PDGFRB: variants seen among roughly 807,000 people sequenced by gnomAD.
PDGFRB encodes platelet-derived growth factor receptor beta.
In PDGFRB, 42 loss-of-function variants were observed where a neutral mutation model predicts 120.2. The ratio of observed to expected loss-of-function variants is 0.35; its 90% CI spans 0.27 to 0.45. The LOEUF is 0.45. Among genes scored for constraint, PDGFRB ranks in the 20% least tolerant of loss-of-function variants. The pLI, the probability that PDGFRB is intolerant of heterozygous loss-of-function variation, is 1.00. For missense variants in PDGFRB, 1,149 were observed against 1,476.3 expected, an observed-to-expected ratio of 0.78 and a Z score of 3.63; for synonymous variants, 586 against 606.8, an observed-to-expected ratio of 0.97 and a Z score of 0.50.
At chr5:150,128,084 G>A (rs1228371500) in intron 10 of PDGFRB, among the ~76,000 whole-genome samples, 5 of 152,004 alleles carry the variant, frequency 3.3e-5, no homozygotes, top group Non-Finnish European at 7.4e-5. Flanking sequence ...CACACATCTC[G>A]GTCCTGGGAA....
In PDGFRB at chr5:150,122,023, C is replaced by T. The variant is rs772861468; in HGVS notation, c.2201G>A (p.Gly734Glu). The change falls in exon 16 of 23, where the codon GGG (glycine) becomes GAG (glutamate). Residue 734 changes from glycine to glutamate, a missense_variant. Coordinates refer to ENST00000261799, the MANE Select transcript of PDGFRB (RefSeq NM_002609.4). The stretch of plus-strand genomic sequence containing the variant: ...GTCCATGTAGCCACCGTCGCTCTCC[C>T]CGGTCAAGGACACATGGCTGGGGGT... ...LPLPSHVSLT[G>E]ESDGGYMDMS... is the part of the protein sequence containing the mutation. 1 of 1,613,612 alleles carries T rather than the reference C, an allele frequency of 6.2e-7. No homozygotes were observed. The highest frequency in any genetic ancestry group is 8.5e-7 in the Non-Finnish European group (1 of 1,179,986).
Position 150,125,248 on chromosome 5 carries a change from T to C in PDGFRB, c.1807+197A>G, listed in dbSNP as rs1760261387. 2.0e-5 allele frequency among the ~76,000 whole-genome samples: 3 copies of C among 152,196 alleles called. No homozygotes were observed. In the South Asian group the frequency reaches 6.2e-4, roughly 31 times the overall value. ...CCCGTCTCACAGGGTCACAGGATCA[T>C]AGAACCTCAATGCTAGGCAGTTCCT... On this transcript the variant is annotated intron_variant, in intron 12 of 22. Transcript: ENST00000261799.
At position 150,119,499 on chromosome 5, in the gene PDGFRB, G is replaced by A; in HGVS notation, c.2766C>T (p.Arg922=). The change falls in exon 20 of 23, where the codon CGC becomes CGT. Residue 922 remains arginine (R), a synonymous_variant. Transcript: ENST00000261799. ...QFYNAIKRGY[R]MAQPAHASDE... The stretch of plus-strand genomic sequence containing the variant: ...CGGAGGCATGGGCAGGCTGGGCCAT[G>A]CGGTAACCCCGTTTGATGGCATTGT... 6.2e-7 allele frequency: 1 copy of A among 1,612,104 alleles called. No homozygotes were observed. Among genetic ancestry groups the A allele is most frequent in the African/African-American group, 1.3e-5 (1 of 75,018 alleles).
intron 4 of PDGFRB, 64 bp from the exon 5 acceptor site, chr5:150,134,072 G>A (rs1760556179): frequency 6.7e-7 from 1 of 1,503,322 alleles, no homozygotes; most frequent in Non-Finnish European, 9.2e-7. Flanking sequence ...CTTCAGCTTG[G>A]GGATAGGGTA....
intron 10 of PDGFRB, among the ~76,000 whole-genome samples, chr5:150,126,902 C>G (rs919665651): frequency 1.3e-5 from 2 of 152,220 alleles, no homozygotes; most frequent in Non-Finnish European, 2.9e-5. Flanking sequence ...GAGCTCTGGA[C>G]GGGGTGCAAA....
chr5:150,120,006 G>A lies in PDGFRB; in HGVS notation c.2698+6C>T, dbSNP rs750523159. The stretch of plus-strand genomic sequence containing the variant: ...TGCTGAGGGCTGGAGGAGGAAGCAA[G>A]CATACCCAAGGTGAAGATCTCCCAG... On this transcript the variant is annotated splice_donor_region_variant and intron_variant, in intron 19 of 22. Coordinates refer to ENST00000261799, the MANE Select transcript of PDGFRB (RefSeq NM_002609.4). This position sits in a 1 kb window ranked among gnomAD's most constrained non-coding sequence, Gnocchi z 4.3. The A allele has an allele frequency of 7.1e-7, 1 of 1,411,608 alleles. No individual in the cohort carries two copies. Among genetic ancestry groups the A allele is most frequent in the Non-Finnish European group, 1.0e-6 (1 of 994,792 alleles). The allele number at this position is 1,411,608 out of a possible 1,614,324, so 87.4% of individuals were successfully genotyped here. A position where few individuals can be genotyped will look rare whatever the true frequency, so the allele number is the denominator to read the frequency against.
In PDGFRB at chr5:150,117,722, G is replaced by A. The variant is rs375836509; in HGVS notation, c.3033C>T (p.Ala1011=). 3.1e-5 allele frequency: 50 copies of A among 1,613,432 alleles called. No individual in the cohort carries two copies. Among genetic ancestry groups the A allele is most frequent in the East Asian group, 1.1e-4 (5 of 44,862 alleles). The change falls in exon 22 of 23, where the codon GCC becomes GCT. Residue 1011 remains alanine, a synonymous_variant. Transcript: ENST00000261799. ...CGTTGTCACCCTCATTGGGCTGCAC[G>A]GCAGTATAGAGGACGGAGCTGGTGT... ...PLDTSSVLYT[A]VQPNEGDNDY...
rs368599063 is a variant in PDGFRB, at chr5:150,129,770, G to A, written c.1566C>T (p.Ile522=). ...CTGGGGACTCACAGTGTGGCACCAC[G>A]ATGACCTCCTGCGTGTCCTGGCCCA... The part of the protein sequence containing the change: ...NAVGQDTQEV[I]VVPHSLPFKV... The change falls in exon 10 of 23, where the codon ATC becomes ATT. Residue 522 remains isoleucine, a synonymous_variant. Coordinates refer to ENST00000261799, the MANE Select transcript of PDGFRB (RefSeq NM_002609.4). 3.1e-6 allele frequency: 5 copies of A among 1,612,728 alleles called. No individual in the cohort carries two copies. Among genetic ancestry groups the A allele is most frequent in the Non-Finnish European group, 3.4e-6 (4 of 1,179,414 alleles).
rs543951679 is a variant in PDGFRB, at chr5:150,114,613, G to T, written c.*1150C>A. ...CAGCTGTGTTCTTGAGACTTGCTGG[G>T]GGCCTGGGGAAGGGGCATGGTTCCT... On this transcript the variant is annotated 3_prime_UTR_variant, in exon 23 of 23. Transcript: ENST00000261799. 4.3e-6 allele frequency: 1 copy of T among 233,392 alleles called. No homozygotes were observed. The highest frequency in any genetic ancestry group is 8.5e-6 in the Non-Finnish European group (1 of 117,992). 14.5% of individuals were successfully genotyped at this position (233,392 alleles called of 1,614,324 possible).
chr5:150,145,655 C>A (rs1357331150), intron 1 of PDGFRB, among the ~76,000 whole-genome samples: 1 of 152,202 alleles, frequency 6.6e-6, no homozygotes, highest in Admixed American at 6.5e-5. Context: ...CATGAGACAG[C>A]CCCTCTGTGG....
rs752022391 is a variant in PDGFRB, at chr5:150,115,930, C to T, written c.3154G>A (p.Val1052Ile). The change falls in exon 23 of 23, where the codon GTC becomes ATC. Residue 1052 changes from valine (V) to isoleucine (I), a missense_variant. Val to Ile is a conservative substitution (Grantham distance 29, BLOSUM62 3). Coordinates refer to ENST00000261799, the MANE Select transcript of PDGFRB (RefSeq NM_002609.4). Reference sequence around the variant, plus strand: ...CAGGAGATGGTTGAGGAGGTGTTGACTTCATTCAGGGTGGAGCTAGAGGAA... The same window carrying T: ...CAGGAGATGGTTGAGGAGGTGTTGATTTCATTCAGGGTGGAGCTAGAGGAA... ...PSLASSTLNE[V>I]NTSSTISCDS... is the part of the protein sequence containing the mutation. 1 of 1,578,160 alleles carries T rather than the reference C, an allele frequency of 6.3e-7. No homozygotes were observed. Among genetic ancestry groups the T allele is most frequent in the East Asian group, 2.3e-5 (1 of 43,212 alleles).
chr5:150,154,120 C>T (rs536487029), intron 1 of PDGFRB, among the ~76,000 whole-genome samples: 136 of 152,236 alleles, frequency 8.9e-4, no homozygotes, highest in African/African-American at 3.3e-3. Flanking sequence ...GCACAAAGTG[C>T]ATGGCTAGCA....
intron 1 of PDGFRB, among the ~76,000 whole-genome samples, chr5:150,140,965 C>T (rs1389635997): frequency 6.6e-6 from 1 of 152,154 alleles, no homozygotes; most frequent in African/African-American, 2.4e-5. Context: ...TCCTGAGGCT[C>T]CCACGACACA....
intron 10 of PDGFRB, among the ~76,000 whole-genome samples, chr5:150,128,278 C>T (rs1562000459): frequency 6.6e-6 from 1 of 152,210 alleles, no homozygotes; most frequent in African/African-American, 2.4e-5. Flanking sequence ...GCCCAGATAC[C>T]CACTTGCTCA....
intron 2 of PDGFRB, among the ~76,000 whole-genome samples, chr5:150,136,333 T>C (rs965589584): frequency 6.6e-6 from 1 of 152,054 alleles, no homozygotes; most frequent in Non-Finnish European, 1.5e-5. Context: ...CTTAGGTAGC[T>C]CAGAGGGGGG....
At chr5:150,124,067 T>C (rs1056719681) in intron 14 of PDGFRB, 183 bp downstream of exon 14, 3 of 428,072 alleles carry the variant, frequency 7.0e-6, no homozygotes, top group African/African-American at 6.1e-5. Flanking sequence ...GAAGGTGTTG[T>C]GATTTTGTGA....
intron 1 of PDGFRB, among the ~76,000 whole-genome samples, chr5:150,149,312 T>C (rs982415327): frequency 1.3e-5 from 2 of 152,174 alleles, no homozygotes; most frequent in African/African-American, 4.8e-5. Context: ...ACATAATTTG[T>C]GGGGCAAGCA....
chr5:150,125,672 C>T (rs1470630809), intron 11 of PDGFRB, 95 bp from the exon 12 acceptor site: 1 of 1,226,956 alleles, frequency 8.2e-7, no homozygotes, highest in South Asian at 1.4e-5. Flanking sequence ...GGCAGGAGAC[C>T]CTGAGGCCCA....
At chr5:150,154,576 G>C (rs965161474) in intron 1 of PDGFRB, among the ~76,000 whole-genome samples, 3 of 152,226 alleles carry the variant, frequency 2.0e-5, no homozygotes, top group African/African-American at 7.2e-5. Context: ...TCCAGGCACT[G>C]GGGAGCCATA....
Sources: allele counts gnomAD v4.1 joint callset (sites outside exome capture counted in the v4.1 genomes callset), GRCh38; gene constraint gnomAD v4.1.1; non-coding constraint Gnocchi (gnomAD v3.1); transcripts MANE v1.5; gene names NCBI Gene and HGNC (gene_info 2026-07-23, HGNC 2026-07-21).